The following SLC9D1 variants were observed in gnomAD, a reference collection of about 807,000 sequenced individuals.
SLC9D1 encodes putative LAG1-interacting protein.
At chr13:113,537,947 G>A in the SLC9D1 span, among the ~76,000 whole-genome samples, 1 of 152,124 alleles carries the variant, frequency 6.6e-6, no homozygotes, top group African/African-American at 2.4e-5. Flanking sequence ...GTGTACCTGT[G>A]TGCATGCATG....
the SLC9D1 span, among the ~76,000 whole-genome samples, chr13:113,520,107 G>A: frequency 6.6e-6 from 1 of 152,170 alleles, no homozygotes; most frequent in Admixed American, 6.5e-5. Flanking sequence ...GGAAGTAAAA[G>A]GTGTTCTGAT....
chr13:113,548,488 G>C, the SLC9D1 span: 1 of 1,582,838 alleles, frequency 6.3e-7, no homozygotes, highest in Non-Finnish European at 8.6e-7. Flanking sequence ...CTTCTCGGGC[G>C]GCACGGGCTG....
At chr13:113,498,028 A>G in the SLC9D1 span, among the ~76,000 whole-genome samples, 9 of 152,238 alleles carry the variant, frequency 5.9e-5, no homozygotes, top group Non-Finnish European at 8.8e-5. Flanking sequence ...CACACACATG[A>G]TAGACCTGGA....
the SLC9D1 span, chr13:113,539,488 C>T: frequency 5.6e-6 from 9 of 1,612,796 alleles, no homozygotes; most frequent in Admixed American, 1.7e-5. The surrounding 1 kb of genome is among the most constrained non-coding windows in gnomAD (Gnocchi z 4.8). Context: ...TCCTGGCCAT[C>T]GTTTTCTTCG....
the SLC9D1 span, among the ~76,000 whole-genome samples, chr13:113,516,146 G>T: frequency 6.6e-6 from 1 of 152,228 alleles, no homozygotes; most frequent in Admixed American, 6.5e-5. Flanking sequence ...CCTTAGGAGG[G>T]TAGAGTGGAG....
the SLC9D1 span, chr13:113,510,501 C>A: frequency 7.1e-7 from 1 of 1,415,886 alleles, no homozygotes; most frequent in Non-Finnish European, 9.7e-7. Context: ...CAGTTGAGGG[C>A]ATGTGAGGAA....
At chr13:113,503,772 C>T in the SLC9D1 span, 7 of 563,462 alleles carry the variant, frequency 1.2e-5, no homozygotes, top group African/African-American at 1.9e-5. Flanking sequence ...GGTTTGAAAG[C>T]GTAGAAATTC....
At chr13:113,498,655 G>C in the SLC9D1 span, 3 of 681,330 alleles carry the variant, frequency 4.4e-6, no homozygotes, top group Non-Finnish European at 7.0e-6. Context: ...CTTCTCTGTC[G>C]TAGAGAAAAT....
At chr13:113,536,438 A>T in the SLC9D1 span, 1 of 347,148 alleles carries the variant, frequency 2.9e-6, no homozygotes, top group Non-Finnish European at 4.1e-6. Flanking sequence ...GGAGGAAATT[A>T]TGATTTGCTT....
At chr13:113,520,670 A>C in the SLC9D1 span, 4 of 1,614,116 alleles carry the variant, frequency 2.5e-6, no homozygotes, top group Non-Finnish European at 3.4e-6. Context: ...CAGGACGTGC[A>C]GCTCGGGCTC....
the SLC9D1 span, chr13:113,539,622 AG>A: frequency 2.6e-6 from 3 of 1,144,292 alleles, no homozygotes; most frequent in Non-Finnish European, 3.7e-6. This position sits in a 1 kb window ranked among gnomAD's most constrained non-coding sequence, Gnocchi z 4.8. Flanking sequence ...TTAAAAATTA[AG>A]TGTATTCAGC....
the SLC9D1 span, chr13:113,533,981 A>G: frequency 3.2e-6 from 4 of 1,257,786 alleles, no homozygotes; most frequent in Non-Finnish European, 4.5e-6. Context: ...CTGAAAGATT[A>G]TTTTATTGAG....
the SLC9D1 span, chr13:113,498,395 C>T: frequency 6.3e-7 from 1 of 1,575,038 alleles, no homozygotes; most frequent in Non-Finnish European, 8.6e-7. Flanking sequence ...AAGTTGAAGC[C>T]CTTAAAAATA....
the SLC9D1 span, chr13:113,528,308 C>T: frequency 2.0e-5 from 3 of 152,238 alleles, no homozygotes; most frequent in Non-Finnish European, 2.9e-5. Flanking sequence ...GGGGGTTCTG[C>T]TTCCTGCCAG....
chr13:113,493,600 A>G, the SLC9D1 span, among the ~76,000 whole-genome samples: 1 of 152,248 alleles, frequency 6.6e-6, no homozygotes, highest in African/African-American at 2.4e-5. Context: ...TGAAACTAAC[A>G]TAAAATTGAG....
At chr13:113,508,938 G>A in the SLC9D1 span, among the ~76,000 whole-genome samples, 18 of 137,286 alleles carry the variant, frequency 1.3e-4, no homozygotes, top group African/African-American at 4.0e-4. Flanking sequence ...GGGTCCCCCC[G>A]GAGCTGCCTG....
chr13:113,540,724 C>T, the SLC9D1 span, among the ~76,000 whole-genome samples: 1 of 152,216 alleles, frequency 6.6e-6, no homozygotes, highest in African/African-American at 2.4e-5. Flanking sequence ...GCGGAAGCTC[C>T]TTGGCTCACT....
the SLC9D1 span, among the ~76,000 whole-genome samples, chr13:113,522,679 G>A: frequency 1.3e-5 from 2 of 151,752 alleles, no homozygotes; most frequent in African/African-American, 4.8e-5. Flanking sequence ...TGTTGCTCAG[G>A]CTGGATGCAG....
chr13:113,518,729 G>T, the SLC9D1 span, among the ~76,000 whole-genome samples: 1 of 152,136 alleles, frequency 6.6e-6, no homozygotes, highest in African/African-American at 2.4e-5. Flanking sequence ...TGAAGCCTCC[G>T]CATGGACAAT....
Sources: gnomAD v4.1 joint callset for allele counts (sites outside exome capture counted in the v4.1 genomes callset) on GRCh38, gnomAD v4.1.1 for gene constraint, Gnocchi (gnomAD v3.1) non-coding constraint, MANE v1.5 for transcripts, NCBI Gene and HGNC (gene_info 2026-07-23, HGNC 2026-07-21) for gene names.